The following CDH4 variants were observed in gnomAD, a reference collection of about 807,000 sequenced individuals.
CDH4 encodes the protein cadherin 4.
In CDH4, 33 loss-of-function variants were observed where a neutral mutation model predicts 86.0. The ratio of observed to expected loss-of-function variants is 0.38; its 90% CI spans 0.29 to 0.51. The LOEUF (loss-of-function observed/expected upper bound fraction) is 0.51, where lower values mean the gene tolerates loss of function less well. Among genes scored for constraint, CDH4 ranks in the 20% least tolerant of loss-of-function variants. The probability of loss-of-function intolerance (pLI) is 0.86; values close to 1 mark genes in which losing one functional copy is unlikely to be tolerated. For missense variants in CDH4, 1,114 were observed against 1,307.4 expected (o/e 0.85, Z 2.28); for synonymous variants, 555 against 549.4 (o/e 1.01, Z -0.14).
chr20:61,423,095 C>T (rs948385797), intron 2 of CDH4, among the ~76,000 whole-genome samples: 3 of 152,132 alleles, frequency 2.0e-5, no homozygotes, highest in Non-Finnish European at 1.5e-5. Flanking sequence ...CCCTGCTGCA[C>T]GTGGTGTACC....
intron 2 of CDH4, among the ~76,000 whole-genome samples, chr20:61,529,206 T>A (rs957253074): frequency 6.6e-6 from 1 of 152,236 alleles, no homozygotes; most frequent in African/African-American, 2.4e-5. Context: ...ATCTTAGATA[T>A]CAGGAAGATA....
At chr20:61,515,474 G>A (rs1310319885) in intron 2 of CDH4, among the ~76,000 whole-genome samples, 1 of 152,228 alleles carries the variant, frequency 6.6e-6, no homozygotes, top group African/African-American at 2.4e-5. Context: ...CATGGTGGCT[G>A]CAGAAGGATG....
intron 2 of CDH4, among the ~76,000 whole-genome samples, chr20:61,288,970 A>C (rs6065085): frequency 0.74 from 113,062 of 151,918 alleles, 42,635 homozygotes; most frequent in East Asian, 0.92. Context: ...CCTATTAGGG[A>C]AGGAAAAAAA....
chr20:61,927,858 G>T (rs1460450174), intron 11 of CDH4, among the ~76,000 whole-genome samples: 1 of 152,166 alleles, frequency 6.6e-6, no homozygotes, highest in Non-Finnish European at 1.5e-5. Context: ...TGCCGTGTCT[G>T]TTGAGGTGCC....
At chr20:61,511,266 A>T (rs931287871) in intron 2 of CDH4, among the ~76,000 whole-genome samples, 3 of 152,158 alleles carry the variant, frequency 2.0e-5, no homozygotes, top group African/African-American at 7.2e-5. Context: ...TGTCAGCCCC[A>T]CTTCACACCA....
intron 2 of CDH4, among the ~76,000 whole-genome samples, chr20:61,705,346 T>TG (rs2087818067): frequency 6.6e-6 from 1 of 152,214 alleles, no homozygotes; most frequent in Admixed American, 6.5e-5. Flanking sequence ...ACAGCCGATC[T>TG]GGGGGACCAG....
rs2087857464 is a variant in CDH4 at position 61,708,560 on chromosome 20, C to A, written c.170-35003C>A. On this transcript the variant is annotated intron_variant, in intron 2 of 15. Transcript: ENST00000614565. This position sits in a 1 kb window ranked among gnomAD's most constrained non-coding sequence, Gnocchi z 4.5. Reference sequence around the variant, plus strand: ...AGCCGGTGGCTGCAGGCTCTTTGCCCCCCACTTCCCCAGCCCTGCTCCCTC... The same window carrying A: ...AGCCGGTGGCTGCAGGCTCTTTGCCACCCACTTCCCCAGCCCTGCTCCCTC... Among the ~76,000 whole-genome samples the A allele has an allele frequency of 6.6e-6, 1 of 152,124 alleles. No individual in the cohort carries two copies. The highest frequency in any genetic ancestry group is 2.4e-5 in the African/African-American group (1 of 41,430).
chr20:61,401,246 T>C (rs958966833), intron 2 of CDH4, among the ~76,000 whole-genome samples: 2 of 152,232 alleles, frequency 1.3e-5, no homozygotes, highest in Non-Finnish European at 2.9e-5. Flanking sequence ...AAAAATGCAA[T>C]TGTAAACCTG....
At chr20:61,378,308 A>G (rs890888739) in intron 2 of CDH4, among the ~76,000 whole-genome samples, 1 of 152,166 alleles carries the variant, frequency 6.6e-6, no homozygotes, top group Non-Finnish European at 1.5e-5. Context: ...AAACTTTGAA[A>G]TTATAGTGTG....
chr20:61,384,150 G>T (rs2084938299), intron 2 of CDH4, among the ~76,000 whole-genome samples: 1 of 152,072 alleles, frequency 6.6e-6, no homozygotes, highest in Admixed American at 6.6e-5. Context: ...CTGAGGGTGG[G>T]TCTGCCTTTC....
intron 2 of CDH4, among the ~76,000 whole-genome samples, chr20:61,683,759 C>A (rs2087545262): frequency 6.6e-6 from 1 of 152,240 alleles, no homozygotes; most frequent in Non-Finnish European, 1.5e-5. Flanking sequence ...CACTCACTGT[C>A]CTCTTCCTTC....
At chr20:61,368,196 GA>G (rs1312643545) in intron 2 of CDH4, among the ~76,000 whole-genome samples, 2 of 152,028 alleles carry the variant, frequency 1.3e-5, no homozygotes, top group Non-Finnish European at 2.9e-5. Context: ...ATTACAACGG[GA>G]AAAAATAAAT....
At chr20:61,638,169 T>G (rs1345796870) in intron 2 of CDH4, among the ~76,000 whole-genome samples, 1 of 152,154 alleles carries the variant, frequency 6.6e-6, no homozygotes, top group Admixed American at 6.5e-5. Context: ...GGGCACACAT[T>G]GTTGAGGGAA....
chr20:61,522,184 T>A (rs539893252), intron 2 of CDH4, among the ~76,000 whole-genome samples: 1 of 152,222 alleles, frequency 6.6e-6, no homozygotes, highest in South Asian at 2.1e-4. Flanking sequence ...TCCTCTGAGG[T>A]CCTCAGGGGC....
chr20:61,602,256 T>C (rs578047307), intron 2 of CDH4, among the ~76,000 whole-genome samples: 1 of 152,284 alleles, frequency 6.6e-6, no homozygotes, highest in African/African-American at 2.4e-5. Context: ...AGGTTCTTGC[T>C]GCATTTCAGC....
intron 2 of CDH4, among the ~76,000 whole-genome samples, chr20:61,361,719 G>A (rs1190127474): frequency 7.2e-5 from 11 of 152,360 alleles, no homozygotes; most frequent in African/African-American, 2.6e-4. Context: ...CCCGAGTCAG[G>A]AAAGCGGTGC....
intron 7 of CDH4, among the ~76,000 whole-genome samples, chr20:61,891,872 C>A (rs1299535982): frequency 1.3e-5 from 2 of 152,220 alleles, no homozygotes; most frequent in Non-Finnish European, 2.9e-5. Flanking sequence ...GGATCCCCAG[C>A]CCTCCCTCCC....
intron 2 of CDH4, among the ~76,000 whole-genome samples, chr20:61,312,757 T>C (rs563003110): frequency 6.6e-6 from 1 of 152,296 alleles, no homozygotes; most frequent in African/African-American, 2.4e-5. Context: ...GTGCAGCGTA[T>C]GATGACCCCT....
intron 2 of CDH4, among the ~76,000 whole-genome samples, chr20:61,484,555 C>T (rs960572560): frequency 6.6e-5 from 10 of 152,220 alleles, no homozygotes; most frequent in East Asian, 5.8e-4. Context: ...ACCACAACCA[C>T]GTGAAGAGCA....
Sources: allele counts gnomAD v4.1 joint callset (sites outside exome capture counted in the v4.1 genomes callset), GRCh38; gene constraint gnomAD v4.1.1; non-coding constraint Gnocchi (gnomAD v3.1); transcripts MANE v1.5; gene names NCBI Gene and HGNC (gene_info 2026-07-23, HGNC 2026-07-21).